Variants in NALF1 observed in about 807,000 individuals in gnomAD.
NALF1 encodes NALCN channel auxiliary factor 1.
Under a neutral mutation model 48.4 loss-of-function variants are expected in NALF1, and 3 were observed. The ratio of observed to expected loss-of-function variants is 0.06; its 90% CI spans 0.03 to 0.16. The LOEUF (loss-of-function observed/expected upper bound fraction) is 0.16. NALF1 is among the 10% of genes least tolerant of loss of function. The probability of loss-of-function intolerance (pLI) is 1.00; values close to 1 mark genes in which losing one functional copy is unlikely to be tolerated. For synonymous variants in NALF1, 262 were observed against 245.7 expected (o/e 1.07, Z -0.62); for missense variants, 526 against 571.5 (o/e 0.92, Z 0.81).
At chr13:107,214,800 ATACT>A (rs1879837950) in intron 1 of NALF1, among the ~76,000 whole-genome samples, 2 of 152,320 alleles carry the variant, frequency 1.3e-5, no homozygotes, top group African/African-American at 2.4e-5. Context: ...TTTTTACTTA[ATACT>A]TGAATCGATT....
intron 1 of NALF1, among the ~76,000 whole-genome samples, chr13:107,453,356 A>G (rs769204739): frequency 1.1e-4 from 17 of 152,234 alleles, no homozygotes; most frequent in African/African-American, 2.9e-4. Context: ...CCAAACCTCA[A>G]TTATTGTCTT....
intron 1 of NALF1, among the ~76,000 whole-genome samples, chr13:107,249,632 ATTTCACTATGTCAT>A (rs754060527): frequency 6.6e-6 from 1 of 151,996 alleles, no homozygotes; most frequent in Non-Finnish European, 1.5e-5. Flanking sequence ...GGCCAAAACT[ATTTCACTATGTCAT>A]TTTCACTATG....
intron 1 of NALF1, among the ~76,000 whole-genome samples, chr13:107,857,129 C>T (rs1454103599): frequency 1.3e-5 from 2 of 152,320 alleles, no homozygotes; most frequent in East Asian, 1.9e-4. Context: ...TGCAGCACAG[C>T]TTCCAGGCTT....
chr13:107,378,436 T>C (rs1453111059), intron 1 of NALF1, among the ~76,000 whole-genome samples: 1 of 152,104 alleles, frequency 6.6e-6, no homozygotes, highest in Non-Finnish European at 1.5e-5. Context: ...ATATAAATGA[T>C]ATTGGTAATA....
intron 1 of NALF1, among the ~76,000 whole-genome samples, chr13:107,673,726 G>C (rs9587425): frequency 6.6e-6 from 1 of 151,944 alleles, no homozygotes; most frequent in Admixed American, 6.6e-5. Context: ...TGATGGAGAT[G>C]TTAATTGCTC....
chr13:107,201,171 C>G (rs147222811), intron 2 of NALF1, among the ~76,000 whole-genome samples: 1 of 110,130 alleles, frequency 9.1e-6, no homozygotes, highest in East Asian at 2.3e-4. Context: ...TATCTATCAT[C>G]TATCTATCTA....
chr13:107,556,340 T>C (rs9520487), intron 1 of NALF1, among the ~76,000 whole-genome samples: 27,709 of 145,044 alleles, frequency 0.19, 2,802 homozygotes, highest in South Asian at 0.26. Flanking sequence ...TACACACACA[T>C]ATATATATAT....
chr13:107,222,236 CCTT>C (rs976785937), intron 1 of NALF1, among the ~76,000 whole-genome samples: 34 of 152,246 alleles, frequency 2.2e-4, no homozygotes, highest in African/African-American at 6.7e-4. Context: ...GGTCTTAAGA[CCTT>C]CTTTCTCTCT....
chr13:107,367,237 C>T (rs1002262132), intron 1 of NALF1, among the ~76,000 whole-genome samples: 2 of 152,156 alleles, frequency 1.3e-5, no homozygotes, highest in African/African-American at 4.8e-5. Context: ...ACAATTCAAG[C>T]ATTAATTATC....
At chr13:107,745,222 C>A (rs1188608766) in intron 1 of NALF1, among the ~76,000 whole-genome samples, 2 of 152,086 alleles carry the variant, frequency 1.3e-5, no homozygotes, top group East Asian at 1.9e-4. Context: ...TTTTGAAGCA[C>A]CTGTAGAAAG....
rs188241072 is a variant in NALF1, at chr13:107,364,143, C to A, written c.916-153388G>T. On this transcript the variant is annotated intron_variant, in intron 1 of 2. Transcript: ENST00000375915. ...GCTCAGTACTGTTTTAAAGTATCTT[C>A]TTTTTATTAAACAATTATAGAGCTT... is the stretch of plus-strand genomic sequence containing the variant. Among the ~76,000 whole-genome samples, 1,144 of 152,272 alleles carry A rather than the reference C, an allele frequency of 7.5e-3. 5 individuals are homozygous for A. The highest frequency in any genetic ancestry group is 0.011 in the Non-Finnish European group (779 of 68,014).
intron 1 of NALF1, among the ~76,000 whole-genome samples, chr13:107,394,344 A>G (rs959428608): frequency 6.6e-6 from 1 of 152,194 alleles, no homozygotes; most frequent in Non-Finnish European, 1.5e-5. Flanking sequence ...TAAAATAAAT[A>G]AGGTCTGCAA....
chr13:107,443,098 C>T (rs186626508), intron 1 of NALF1, among the ~76,000 whole-genome samples: 1 of 152,088 alleles, frequency 6.6e-6, no homozygotes, highest in African/African-American at 2.4e-5. Flanking sequence ...GCAAATTTAC[C>T]TCAGAAAGAA....
intron 1 of NALF1, among the ~76,000 whole-genome samples, chr13:107,451,650 C>T (rs1335774474): frequency 6.6e-6 from 1 of 152,166 alleles, no homozygotes; most frequent in Non-Finnish European, 1.5e-5. Flanking sequence ...GCTGTATACT[C>T]GAACAGATTT....
intron 1 of NALF1, among the ~76,000 whole-genome samples, chr13:107,754,879 T>C (rs1226831652): frequency 6.6e-6 from 1 of 152,180 alleles, no homozygotes. Flanking sequence ...ATCCTGTGGA[T>C]GGGGTAAGTA....
intron 1 of NALF1, among the ~76,000 whole-genome samples, chr13:107,852,805 A>G (rs1880350865): frequency 6.6e-6 from 1 of 152,226 alleles, no homozygotes; most frequent in African/African-American, 2.4e-5. Context: ...CACAATAGAA[A>G]AAGTATAGGT....
chr13:107,782,394 G>A (rs1239503713), intron 1 of NALF1, among the ~76,000 whole-genome samples: 5 of 152,194 alleles, frequency 3.3e-5, no homozygotes, highest in Middle Eastern at 6.8e-3. Context: ...GCGTGATCTC[G>A]GCTCGCTACA....
intron 1 of NALF1, among the ~76,000 whole-genome samples, chr13:107,681,312 C>T (rs1453784687): frequency 1.3e-5 from 2 of 152,022 alleles, no homozygotes; most frequent in Non-Finnish European, 2.9e-5. Context: ...TAAAGATTGG[C>T]CACACTGACT....
chr13:107,715,146 A>C (rs140325326), intron 1 of NALF1, among the ~76,000 whole-genome samples: 285 of 152,188 alleles, frequency 1.9e-3, no homozygotes, highest in African/African-American at 6.3e-3. Flanking sequence ...GAAACATTCC[A>C]ATTCTACTCT....
Sources: allele counts gnomAD v4.1 joint callset (sites outside exome capture counted in the v4.1 genomes callset), GRCh38; gene constraint gnomAD v4.1.1; transcripts MANE v1.5; gene names NCBI Gene and HGNC (gene_info 2026-07-23, HGNC 2026-07-21).